The following LUC7L2 variants were observed in gnomAD, a reference collection of about 807,000 sequenced individuals.
LUC7L2 encodes LUC7 like 2, pre-mRNA splicing factor, also known as putative RNA-binding protein Luc7-like 2.
A neutral mutation model predicts 52.8 loss-of-function variants in LUC7L2; 25 were observed. The observed-to-expected ratio is 0.47, with a 90% CI of 0.34 to 0.66. The LOEUF (loss-of-function observed/expected upper bound fraction) is 0.66, where lower values mean the gene tolerates loss of function less well. LUC7L2 is among the 30% of genes least tolerant of loss of function. LUC7L2 has a pLI of 0.01. For synonymous variants in LUC7L2, 144 were observed against 160.9 expected (o/e 0.89, Z 0.80); for missense variants, 328 against 497.8 (o/e 0.66, Z 3.25).
At chr7:139,341,795 C>T (rs1363808145) in intron 1 of LUC7L2, among the ~76,000 whole-genome samples, 1 of 152,164 alleles carries the variant, frequency 6.6e-6, no homozygotes, top group Non-Finnish European at 1.5e-5. Flanking sequence ...ATTTCATTGG[C>T]TGGTCTGTTG....
chr7:139,341,441 C>G, intron 1 of LUC7L2: 1 of 1,613,600 alleles, frequency 6.2e-7, no homozygotes, highest in African/African-American at 1.3e-5. Flanking sequence ...GGGAGTTGCG[C>G]TACCTGAGCG....
chr7:139,410,772 T>C (rs1795325876), intron 7 of LUC7L2, among the ~76,000 whole-genome samples: 1 of 152,236 alleles, frequency 6.6e-6, no homozygotes, highest in Non-Finnish European at 1.5e-5. Flanking sequence ...TTATGCTCAC[T>C]TCCTTCGATC....
At chr7:139,364,668 C>G (rs1444662049) in intron 1 of LUC7L2, among the ~76,000 whole-genome samples, 1 of 152,154 alleles carries the variant, frequency 6.6e-6, no homozygotes, top group Non-Finnish European at 1.5e-5. Context: ...TTACTTGTTG[C>G]TAATGTAAGG....
chr7:139,351,806 T>C (rs957570095), intron 1 of LUC7L2, among the ~76,000 whole-genome samples: 1 of 152,238 alleles, frequency 6.6e-6, no homozygotes, highest in African/African-American at 2.4e-5. Flanking sequence ...CTATTCATTC[T>C]TCAGGATTTC....
intron 4 of LUC7L2, among the ~76,000 whole-genome samples, chr7:139,404,202 G>A (rs959461152): frequency 6.6e-6 from 1 of 152,154 alleles, no homozygotes; most frequent in Admixed American, 6.5e-5. Context: ...GTTGGGACTG[G>A]AAACTCATAC....
At chr7:139,357,970 G>T (rs1199877382), upstream of LUC7L2, among the ~76,000 whole-genome samples, 6 of 149,622 alleles carry the variant, frequency 4.0e-5, no homozygotes, top group East Asian at 1.2e-3. Flanking sequence ...GATTCCAGGT[G>T]TGAGCCACTG....
chr7:139,387,816 C>T (rs1794270767), intron 2 of LUC7L2, among the ~76,000 whole-genome samples: 1 of 152,060 alleles, frequency 6.6e-6, no homozygotes, highest in Non-Finnish European at 1.5e-5. Context: ...GCAGTAGTGT[C>T]ATTATAGCTC....
intron 1 of LUC7L2, among the ~76,000 whole-genome samples, chr7:139,362,351 A>G (rs1182888826): frequency 1.3e-5 from 2 of 152,092 alleles, no homozygotes; most frequent in African/African-American, 4.8e-5. Flanking sequence ...TATATATATC[A>G]TTTTATGATT....
At chr7:139,419,131 A>AAAC (rs369725080) in intron 9 of LUC7L2, among the ~76,000 whole-genome samples, 114 of 71,636 alleles carry the variant, frequency 1.6e-3, no homozygotes, top group African/African-American at 0.015. Flanking sequence ...AAAAACAAAC[A>AAAC]AAAAAAAAAA....
In LUC7L2 at chr7:139,361,088, T is replaced by C. The variant is rs201756887; in HGVS notation, c.61+766T>C. Among the ~76,000 whole-genome samples, 10 of 152,368 alleles carry C rather than the reference T, an allele frequency of 6.6e-5. No individual in the cohort carries two copies. The East Asian group carries it at 1.9e-3, about 29-fold the overall frequency. On this transcript the variant is annotated intron_variant, in intron 1 of 9. Transcript: ENST00000354926. Reference sequence around the variant, plus strand: ...CAAAGATCCTTTCAGGCGTTTAGTTTAGAATCTGTATAGAGAGCCCTTAAT... The same window carrying C: ...CAAAGATCCTTTCAGGCGTTTAGTTCAGAATCTGTATAGAGAGCCCTTAAT...
intron 8 of LUC7L2, among the ~76,000 whole-genome samples, chr7:139,414,367 GAAA>G (rs1000792738): frequency 6.6e-5 from 10 of 151,982 alleles, no homozygotes; most frequent in African/African-American, 2.2e-4. Flanking sequence ...TGATGAGCTG[GAAA>G]AAAAATTGCA....
chr7:139,363,649 TTC>T (rs1348974496), intron 1 of LUC7L2, among the ~76,000 whole-genome samples: 1 of 152,248 alleles, frequency 6.6e-6, no homozygotes, highest in Non-Finnish European at 1.5e-5. Flanking sequence ...ATAAATATCT[TTC>T]TGTTTTAGTT....
At chr7:139,380,052 A>G (rs928745187) in intron 2 of LUC7L2, among the ~76,000 whole-genome samples, 2 of 151,272 alleles carry the variant, frequency 1.3e-5, no homozygotes, top group African/African-American at 4.8e-5. Context: ...AGTGGCCCGC[A>G]CCTGTAATCC....
chr7:139,341,442 T>C (rs1211525100), intron 1 of LUC7L2: 1 of 1,613,548 alleles, frequency 6.2e-7, no homozygotes, highest in East Asian at 2.2e-5. Flanking sequence ...GGAGTTGCGC[T>C]ACCTGAGCGC....
At chr7:139,368,342 AG>A (rs748302559) in intron 1 of LUC7L2, among the ~76,000 whole-genome samples, 3 of 152,268 alleles carry the variant, frequency 2.0e-5, no homozygotes, top group African/African-American at 4.8e-5. Flanking sequence ...TAGTGATTAT[AG>A]GTGTCTGCAT....
chr7:139,391,597 T>A (rs1302372452), intron 2 of LUC7L2, among the ~76,000 whole-genome samples: 1 of 152,124 alleles, frequency 6.6e-6, no homozygotes, highest in Non-Finnish European at 1.5e-5. Context: ...CTTCTTTTTT[T>A]TTGGTGGGGG....
At chr7:139,353,710 T>C (rs1382925131) in intron 1 of LUC7L2, among the ~76,000 whole-genome samples, 1 of 151,952 alleles carries the variant, frequency 6.6e-6, no homozygotes, top group Non-Finnish European at 1.5e-5. Context: ...GGAGAATCAC[T>C]TGAATCCGGG....
At chr7:139,376,291 G>A (rs1441489270) in intron 2 of LUC7L2, 135 bp downstream of exon 2, 5 of 884,348 alleles carry the variant, frequency 5.7e-6, no homozygotes, top group South Asian at 2.0e-5. Flanking sequence ...GTTTATTCAG[G>A]ATGATTACTT....
chr7:139,388,627 A>G (rs1296992772), intron 2 of LUC7L2, among the ~76,000 whole-genome samples: 2 of 150,706 alleles, frequency 1.3e-5, no homozygotes, highest in East Asian at 3.9e-4. Context: ...GAAAGCCTGT[A>G]GTGAATGTAG....
Sources: allele counts gnomAD v4.1 joint callset (sites outside exome capture counted in the v4.1 genomes callset), GRCh38; gene constraint gnomAD v4.1.1; transcripts MANE v1.5; gene names NCBI Gene and HGNC (gene_info 2026-07-23, HGNC 2026-07-21).